Variants in DAPK2 observed in about 807,000 individuals in gnomAD.
DAPK2 encodes death-associated protein kinase 2.
DAPK2 carries 35 observed loss-of-function variants against 44.1 expected under a neutral mutation model. The observed-to-expected ratio is 0.79, with a 90% confidence interval of 0.61 to 1.05. The LOEUF (loss-of-function observed/expected upper bound fraction) is 1.05. Among genes scored for constraint, DAPK2 ranks in the 50% least tolerant of loss-of-function variants. The pLI is 0.00. For synonymous variants in DAPK2, 174 were observed against 182.6 expected (o/e 0.95, Z 0.38); for missense variants, 453 against 483.2 (o/e 0.94, Z 0.59).
chr15:63,969,131 C>G (rs1325205216), intron 3 of DAPK2, among the ~76,000 whole-genome samples: 1 of 152,144 alleles, frequency 6.6e-6, no homozygotes, highest in Non-Finnish European at 1.5e-5. Context: ...TAAAAAATAC[C>G]GTGACAGCCA....
chr15:64,041,221 G>A (rs2080346349), upstream of DAPK2, among the ~76,000 whole-genome samples: 1 of 152,144 alleles, frequency 6.6e-6, no homozygotes, highest in Admixed American at 6.5e-5. Context: ...AATTCCTACA[G>A]GCACCAGGAG....
At chr15:63,924,772 A>G in intron 8 of DAPK2, 44 bp downstream of exon 9, 18 of 1,611,194 alleles carry the variant, frequency 1.1e-5, no homozygotes, top group Non-Finnish European at 1.5e-5. Flanking sequence ...CTGGCGACAG[A>G]GCAGGGACCC....
rs376447630 is a variant in DAPK2 at position 63,931,135 on chromosome 15, A to G, written c.584-680T>C. ...TGCCCCTTTGGTCATTTGACAACTTAGCAAGAAGGCACCATCTATGAAACA... is the reference window on the plus strand; with the variant it reads ...TGCCCCTTTGGTCATTTGACAACTTGGCAAGAAGGCACCATCTATGAAACA... On this transcript the variant is annotated intron_variant, in intron 4 of 10. Transcript: ENST00000261891. Among the ~76,000 whole-genome samples the G allele has an allele frequency of 2.0e-5, 3 of 152,322 alleles. No individual in the cohort carries two copies. The East Asian group carries it at 5.8e-4, about 29-fold the overall frequency.
intron 1 of DAPK2, among the ~76,000 whole-genome samples, chr15:64,045,876 G>T (rs1171244363): frequency 1.3e-5 from 2 of 152,218 alleles, no homozygotes; most frequent in Non-Finnish European, 1.5e-5. Context: ...AGACATCTGA[G>T]CACCCTCCTC....
upstream of DAPK2, among the ~76,000 whole-genome samples, chr15:64,043,467 A>C (rs2080392156): frequency 6.6e-6 from 1 of 152,258 alleles, no homozygotes; most frequent in Non-Finnish European, 1.5e-5. Flanking sequence ...AACAACATGG[A>C]TGAATCTCAG....
intron 1 of DAPK2, among the ~76,000 whole-genome samples, chr15:64,001,654 C>T (rs545810097): frequency 3.5e-4 from 54 of 152,258 alleles, no homozygotes; most frequent in African/African-American, 1.3e-3. Flanking sequence ...CTCAATTGCA[C>T]CCTTAAGAAC....
intron 1 of DAPK2, among the ~76,000 whole-genome samples, chr15:64,031,806 T>C (rs776663352): frequency 2.9e-4 from 44 of 152,250 alleles, no homozygotes; most frequent in Non-Finnish European, 5.0e-4. Context: ...AGTTTTTTCA[T>C]CTATAAAATG....
intron 6 of DAPK2, among the ~76,000 whole-genome samples, chr15:63,928,979 G>C (rs930274243): frequency 4.6e-5 from 7 of 152,164 alleles, no homozygotes; most frequent in African/African-American, 1.7e-4. Context: ...GAGGTGGATG[G>C]ACCACGAGGT....
At chr15:64,008,677 G>A (rs1395137565) in intron 1 of DAPK2, among the ~76,000 whole-genome samples, 1 of 152,210 alleles carries the variant, frequency 6.6e-6, no homozygotes, top group African/African-American at 2.4e-5. Flanking sequence ...ATGCACAAAT[G>A]ATATGTATGG....
At chr15:63,948,599 A>T (rs2077511183) in intron 3 of DAPK2, among the ~76,000 whole-genome samples, 1 of 152,130 alleles carries the variant, frequency 6.6e-6, no homozygotes, top group Non-Finnish European at 1.5e-5. Context: ...TCACAATTCA[A>T]CACGAGATTT....
At chr15:63,957,566 C>T (rs1469253278) in intron 3 of DAPK2, among the ~76,000 whole-genome samples, 1 of 139,944 alleles carries the variant, frequency 7.1e-6, no homozygotes, top group African/African-American at 2.7e-5. Context: ...TCCAAGTGTT[C>T]TCATTGTTCA....
intron 1 of DAPK2, among the ~76,000 whole-genome samples, chr15:64,036,233 C>T (rs2080178253): frequency 6.8e-6 from 1 of 146,542 alleles, no homozygotes; most frequent in Non-Finnish European, 1.5e-5. Context: ...TGCACTCCAA[C>T]CTGGCGACAG....
At position 63,992,989 on chromosome 15, in the gene DAPK2, C is replaced by T. The variant is rs143341995; in HGVS notation, c.93-9235G>A. On this transcript the variant is annotated intron_variant, in intron 1 of 10. Coordinates refer to ENST00000261891, the Ensembl canonical transcript of DAPK2. ...ACTGCAGAAAGAAGATGGGAAAATC[C>T]AGGATGGTTTGAGGCTCTCCTGTTA... 3.3e-3 allele frequency among the ~76,000 whole-genome samples: 499 copies of T among 152,330 alleles called. 2 individuals carry two copies. The highest frequency in any genetic ancestry group is 6.1e-3 in the Admixed American group (93 of 15,292).
chr15:64,017,587 A>G (rs2079564829), intron 1 of DAPK2, among the ~76,000 whole-genome samples: 3 of 152,250 alleles, frequency 2.0e-5, no homozygotes, highest in Admixed American at 2.0e-4. Flanking sequence ...GGAGTCAGAA[A>G]GCCTTGACTC....
In DAPK2 at chr15:63,939,352, T is replaced by C; in HGVS notation, c.463A>G (p.Ile155Val). ...GGAATATTCTTGTCTAACAACATAA[T>C]GTTTTCTGGCTGGACAACAAAAAGT... Residue 155 changes from isoleucine (I) to valine (V), a missense_variant, in exon 4 of 11, where the codon ATT becomes GTT. Physicochemically the swap from Ile to Val is conservative, Grantham distance 29. Transcript: ENST00000261891. The surrounding 1 kb of genome is among the most constrained non-coding windows in gnomAD (Gnocchi z 4.3). The C allele has an allele frequency of 6.2e-7, 1 of 1,602,646 alleles. No individual in the cohort carries two copies. The highest frequency in any genetic ancestry group is 8.5e-7 in the Non-Finnish European group (1 of 1,175,912).
At chr15:63,975,095 A>G (rs2078307990) in intron 2 of DAPK2, among the ~76,000 whole-genome samples, 1 of 152,110 alleles carries the variant, frequency 6.6e-6, no homozygotes, top group African/African-American at 2.4e-5. Flanking sequence ...TTAGAATTTA[A>G]TTTTTGGTTT....
intron 1 of DAPK2, among the ~76,000 whole-genome samples, chr15:64,030,294 CA>C (rs1448720194): frequency 6.6e-6 from 1 of 151,946 alleles, no homozygotes; most frequent in Non-Finnish European, 1.5e-5. Context: ...TCTCAAAAAC[CA>C]AAAACCAAAA....
chr15:63,934,249 G>GTTTT lies in DAPK2; in HGVS notation c.584-3798_584-3795dup, dbSNP rs772176640. On this transcript the variant is annotated intron_variant, in intron 4 of 10. Transcript: ENST00000261891. ...TTCTTCATGTTCTAGTTTTATCCTA[G>GTTTT]TTTTTTTTTTTTTTTTTTTTTTTTT... Among the ~76,000 whole-genome samples, 435 of 63,282 alleles carry GTTTT rather than the reference G, an allele frequency of 6.9e-3. 99 individuals are homozygous for GTTTT. The highest frequency in any genetic ancestry group is 0.023 in the Middle Eastern group (1 of 44). The allele number at this position is 63,282 out of a possible 152,430, so 41.5% of individuals were successfully genotyped here.
chr15:64,035,633 TCTTTATG>T (rs2080159340), intron 1 of DAPK2, among the ~76,000 whole-genome samples: 3 of 152,194 alleles, frequency 2.0e-5, no homozygotes, highest in Admixed American at 2.0e-4. Flanking sequence ...GATGAGTTTC[TCTTTATG>T]AGCCCTGCTC....
Sources: allele counts gnomAD v4.1 joint callset (sites outside exome capture counted in the v4.1 genomes callset), GRCh38; gene constraint gnomAD v4.1.1; non-coding constraint Gnocchi (gnomAD v3.1); transcripts MANE v1.5; gene names NCBI Gene and HGNC (gene_info 2026-07-23, HGNC 2026-07-21).